The following WWOX variants were observed in gnomAD, a reference collection of about 807,000 sequenced individuals.
WWOX encodes the protein WW domain containing oxidoreductase.
In WWOX, 69 loss-of-function variants were observed where a neutral mutation model predicts 46.2. The ratio of observed to expected loss-of-function variants is 1.49; its 90% CI spans 1.23 to 1.82. The LOEUF (loss-of-function observed/expected upper bound fraction) is 1.82. Ranked by LOEUF, WWOX falls within the 40% of genes most tolerant of loss-of-function variation. The pLI is 0.00. For synonymous variants in WWOX, 359 were observed against 202.6 expected (o/e 1.77, Z -6.56); for missense variants, 919 against 542.6 (o/e 1.69, Z -6.89).
intron 8 of WWOX, among the ~76,000 whole-genome samples, chr16:78,604,653 G>C (rs2045700530): frequency 6.9e-6 from 1 of 144,750 alleles, no homozygotes; most frequent in African/African-American, 2.6e-5. Context: ...ATTTAAAAAA[G>C]ATTCCTTCCT....
intron 8 of WWOX, among the ~76,000 whole-genome samples, chr16:78,849,120 C>G (rs1444561271): frequency 5.9e-5 from 9 of 152,136 alleles, no homozygotes; most frequent in Admixed American, 5.2e-4. Context: ...ACAGTCTATA[C>G]AGTAACTCAA....
chr16:79,088,302 C>T (rs1345532603), intron 8 of WWOX, among the ~76,000 whole-genome samples: 2 of 152,140 alleles, frequency 1.3e-5, no homozygotes, highest in Admixed American at 1.3e-4. Flanking sequence ...CATTGCAGCC[C>T]GTTGGTTGTT....
chr16:78,855,473 C>T (rs887554038), intron 8 of WWOX, among the ~76,000 whole-genome samples: 1 of 152,146 alleles, frequency 6.6e-6, no homozygotes, highest in Non-Finnish European at 1.5e-5. Context: ...TTGCTATGTT[C>T]ACTTTGCAGA....
intron 8 of WWOX, among the ~76,000 whole-genome samples, chr16:79,148,549 C>T (rs1402957517): frequency 6.6e-6 from 1 of 152,072 alleles, no homozygotes; most frequent in East Asian, 1.9e-4. Flanking sequence ...TTCCTAAGAC[C>T]TGTGCTTTTT....
intron 8 of WWOX, among the ~76,000 whole-genome samples, chr16:78,606,600 T>G (rs2045763236): frequency 6.6e-6 from 1 of 150,798 alleles, no homozygotes; most frequent in African/African-American, 2.4e-5. Flanking sequence ...TCCGCAGGAA[T>G]AAGGAGAAAA....
chr16:78,613,968 C>CT (rs2045959766), intron 8 of WWOX, among the ~76,000 whole-genome samples: 1 of 152,174 alleles, frequency 6.6e-6, no homozygotes, highest in Admixed American at 6.5e-5. Flanking sequence ...GCGATGGCTG[C>CT]TTTCAGCTAC....
intron 8 of WWOX, among the ~76,000 whole-genome samples, chr16:78,939,282 G>T (rs2045804788): frequency 6.6e-6 from 1 of 152,210 alleles, no homozygotes; most frequent in Admixed American, 6.5e-5. Context: ...ACCTGGTCTA[G>T]AGAGGCTGCT....
At chr16:78,923,863 G>A (rs573885794) in intron 8 of WWOX, among the ~76,000 whole-genome samples, 82 of 141,014 alleles carry the variant, frequency 5.8e-4, no homozygotes, top group African/African-American at 2.1e-3. Context: ...GCAGTGGCGC[G>A]ATCTCGGTTC....
intron 8 of WWOX, among the ~76,000 whole-genome samples, chr16:78,461,410 G>A (rs1216093381): frequency 6.6e-6 from 1 of 152,224 alleles, no homozygotes; most frequent in Non-Finnish European, 1.5e-5. Context: ...AAAAGAAAGA[G>A]CGTATTTATA....
intron 8 of WWOX, among the ~76,000 whole-genome samples, chr16:79,035,157 T>C (rs1442066805): frequency 6.6e-6 from 1 of 152,190 alleles, no homozygotes; most frequent in East Asian, 1.9e-4. Context: ...ACCGTCAGTA[T>C]TTTCATTTTT....
At chr16:78,329,439 C>T (rs190135485) in intron 5 of WWOX, among the ~76,000 whole-genome samples, 25 of 152,158 alleles carry the variant, frequency 1.6e-4, no homozygotes, top group Non-Finnish European at 2.6e-4. Flanking sequence ...CTGACCCTGT[C>T]GCCAGTAGCC....
At chr16:78,780,242 A>C (rs889193517) in intron 8 of WWOX, among the ~76,000 whole-genome samples, 2 of 152,122 alleles carry the variant, frequency 1.3e-5, no homozygotes, top group Admixed American at 6.5e-5. Context: ...CATCTCTGGA[A>C]GCTGGGGGTC....
chr16:79,123,240 ACT>A (rs1437297876), intron 8 of WWOX, among the ~76,000 whole-genome samples: 8 of 151,606 alleles, frequency 5.3e-5, no homozygotes, highest in African/African-American at 1.9e-4. Context: ...CAATTGCCTG[ACT>A]CTGTCCTCGG....
At chr16:78,452,078 C>G (rs925949194) in intron 8 of WWOX, among the ~76,000 whole-genome samples, 2 of 152,064 alleles carry the variant, frequency 1.3e-5, no homozygotes, top group Non-Finnish European at 2.9e-5. Context: ...TGTTAGATCC[C>G]TTTTTTGGAA....
chr16:78,502,011 C>A (rs1234582025), intron 8 of WWOX, among the ~76,000 whole-genome samples: 1 of 152,114 alleles, frequency 6.6e-6, no homozygotes, highest in Non-Finnish European at 1.5e-5. Context: ...ATCCCCTTTG[C>A]AAAAGTAAGA....
intron 4 of WWOX, among the ~76,000 whole-genome samples, chr16:78,160,688 T>A (rs2034765271): frequency 6.6e-6 from 1 of 152,232 alleles, no homozygotes; most frequent in African/African-American, 2.4e-5. Context: ...TTGAAATTCA[T>A]TGAGACTTGC....
At chr16:78,102,061 C>T (rs1027536081) in intron 1 of WWOX, among the ~76,000 whole-genome samples, 5 of 152,150 alleles carry the variant, frequency 3.3e-5, no homozygotes, top group Non-Finnish European at 7.3e-5. Context: ...CCCGGGACCA[C>T]AGGTGTGTGC....
At chr16:78,641,475 C>T (rs1354948409) in intron 8 of WWOX, among the ~76,000 whole-genome samples, 1 of 152,082 alleles carries the variant, frequency 6.6e-6, no homozygotes, top group African/African-American at 2.4e-5. Context: ...CCCACCCAAT[C>T]CCCTCTCACG....
intron 8 of WWOX, among the ~76,000 whole-genome samples, chr16:78,474,035 G>T (rs117784532): frequency 6.6e-6 from 1 of 152,174 alleles, no homozygotes; most frequent in Non-Finnish European, 1.5e-5. Context: ...ATTTAAATGT[G>T]ATAATAAGAA....
Sources: gnomAD v4.1 joint callset for allele counts (sites outside exome capture counted in the v4.1 genomes callset) on GRCh38, gnomAD v4.1.1 for gene constraint, MANE v1.5 for transcripts, NCBI Gene and HGNC (gene_info 2026-07-23, HGNC 2026-07-21) for gene names.